RBFOX1: variants seen among roughly 807,000 people sequenced by gnomAD.
The protein encoded by RBFOX1 is RNA binding fox-1 homolog 1, also known as RNA binding protein fox-1 homolog 1.
A neutral mutation model predicts 57.7 loss-of-function variants in RBFOX1; 8 were observed. That is an observed-to-expected ratio of 0.14 (90% confidence interval 0.08 to 0.25). RBFOX1 has a LOEUF of 0.25. RBFOX1 is among the 10% of genes least tolerant of loss of function. The pLI, the probability that RBFOX1 is intolerant of heterozygous loss-of-function variation, is 1.00. For missense variants in RBFOX1, 611 were observed against 548.5 expected, an observed-to-expected ratio of 1.11 and a Z score of -1.14; for synonymous variants, 326 against 222.4, an observed-to-expected ratio of 1.47 and a Z score of -4.15.
chr16:6,344,412 T>TTTTTTTTTTTC, intron 2 of RBFOX1, among the ~76,000 whole-genome samples: 2 of 138,782 alleles, frequency 1.4e-5, no homozygotes, highest in Non-Finnish European at 3.1e-5. Context: ...TTTTTCTTTT[T>TTTTTTTTTTTC]TTTTTTTGAG....
intron 14 of RBFOX1, among the ~76,000 whole-genome samples, chr16:7,689,698 AG>A (rs1022439385): frequency 5.7e-4 from 86 of 152,132 alleles, no homozygotes; most frequent in African/African-American, 1.8e-3. Context: ...AAAATACAGA[AG>A]TAGGGGCCAA....
intron 3 of RBFOX1, among the ~76,000 whole-genome samples, chr16:5,824,973 C>T (rs1343590905): frequency 2.0e-5 from 3 of 152,188 alleles, no homozygotes; most frequent in South Asian, 2.1e-4. Flanking sequence ...AGGGTCAACA[C>T]TCTTACTCCA....
chr16:5,685,725 G>T (rs1250172018), intron 3 of RBFOX1, among the ~76,000 whole-genome samples: 1 of 152,148 alleles, frequency 6.6e-6, no homozygotes, highest in African/African-American at 2.4e-5. Context: ...GGAGAGGGTG[G>T]TGCCTCCTTC....
chr16:7,122,062 C>T (rs1048204017), intron 4 of RBFOX1, among the ~76,000 whole-genome samples: 9 of 151,978 alleles, frequency 5.9e-5, no homozygotes, highest in African/African-American at 1.9e-4. Flanking sequence ...TAGAAGAACA[C>T]ATGGGTAAAA....
chr16:6,624,876 T>C (rs1282284946), intron 2 of RBFOX1, among the ~76,000 whole-genome samples: 1 of 152,098 alleles, frequency 6.6e-6, no homozygotes, highest in Non-Finnish European at 1.5e-5. Context: ...AGAAATGACA[T>C]TCTGGGCTGG....
intron 3 of RBFOX1, among the ~76,000 whole-genome samples, chr16:5,750,213 T>C (rs922899171): frequency 1.3e-5 from 2 of 152,198 alleles, no homozygotes; most frequent in African/African-American, 4.8e-5. Flanking sequence ...TGCTGCCCGA[T>C]CATTCCTTTG....
At chr16:7,224,077 G>T (rs555416689) in intron 4 of RBFOX1, among the ~76,000 whole-genome samples, 1 of 122,166 alleles carries the variant, frequency 8.2e-6, no homozygotes, top group Non-Finnish European at 1.6e-5. Context: ...TAGGCTCGTT[G>T]TTCTGGGTCT....
At chr16:7,129,692 A>C (rs929445110) in intron 4 of RBFOX1, among the ~76,000 whole-genome samples, 1 of 152,030 alleles carries the variant, frequency 6.6e-6, no homozygotes, top group Non-Finnish European at 1.5e-5. Flanking sequence ...GAAATAGCAA[A>C]TTTCAAGTGC....
intron 11 of RBFOX1, among the ~76,000 whole-genome samples, chr16:7,636,569 C>G (rs2061793216): frequency 6.6e-6 from 1 of 152,196 alleles, no homozygotes. Flanking sequence ...ATGTATCTGT[C>G]TTTTCTGATC....
chr16:6,999,194 A>ATT (rs2092545766), intron 3 of RBFOX1, among the ~76,000 whole-genome samples: 3 of 97,702 alleles, frequency 3.1e-5, no homozygotes, highest in South Asian at 8.3e-4. Context: ...ATTTTATTTT[A>ATT]TTTTATTTTT....
intron 4 of RBFOX1, among the ~76,000 whole-genome samples, chr16:7,069,927 A>G (rs2056973467): frequency 1.3e-5 from 2 of 152,220 alleles, no homozygotes; most frequent in Non-Finnish European, 2.9e-5. Flanking sequence ...GGAAACTAAA[A>G]TAGTACATTC....
intron 1 of RBFOX1, among the ~76,000 whole-genome samples, chr16:6,155,353 C>T (rs1230057028): frequency 6.6e-6 from 1 of 152,146 alleles, no homozygotes; most frequent in Non-Finnish European, 1.5e-5. Context: ...AGGAACACAT[C>T]AGGGCAGCCT....
At chr16:6,831,836 C>T (rs1173710715) in intron 3 of RBFOX1, among the ~76,000 whole-genome samples, 1 of 152,148 alleles carries the variant, frequency 6.6e-6, no homozygotes, top group Non-Finnish European at 1.5e-5. Context: ...TTATGATTAT[C>T]TCCAGCTGTG....
At chr16:6,831,610 G>C (rs2092712471) in intron 3 of RBFOX1, among the ~76,000 whole-genome samples, 1 of 152,178 alleles carries the variant, frequency 6.6e-6, no homozygotes, top group Non-Finnish European at 1.5e-5. Flanking sequence ...AAGAGCCAGG[G>C]CTGTGGGAAG....
intron 1 of RBFOX1, among the ~76,000 whole-genome samples, chr16:6,292,527 T>C (rs2077579608): frequency 6.6e-6 from 1 of 152,180 alleles, no homozygotes; most frequent in Non-Finnish European, 1.5e-5. Context: ...CATCTTCTTA[T>C]TGGCTTTTTG....
rs182201569 is a variant in RBFOX1 at position 7,692,154 on chromosome 16, C to G, written c.995+15316C>G. On this transcript the variant is annotated intron_variant, in intron 14 of 15. Transcript: ENST00000550418. ...CAAAAAGCCCAAAATCTTATGTTAACTTTTATTGTCTTAAGGAAAGTGATA... is the reference window on the plus strand; with the variant it reads ...CAAAAAGCCCAAAATCTTATGTTAAGTTTTATTGTCTTAAGGAAAGTGATA... Among the ~76,000 whole-genome samples, 3 of 152,190 alleles carry G rather than the reference C, an allele frequency of 2.0e-5. No individual in the cohort carries two copies. In the East Asian group the frequency reaches 5.8e-4, roughly 29 times the overall value.
intron 4 of RBFOX1, among the ~76,000 whole-genome samples, chr16:5,915,008 CT>C (rs1315870496): frequency 6.6e-6 from 1 of 151,880 alleles, no homozygotes; most frequent in East Asian, 1.9e-4. Context: ...CACTTTTGCT[CT>C]ATGGTGTTGA....
chr16:7,502,813 C>T (rs796845828), intron 4 of RBFOX1, among the ~76,000 whole-genome samples: 15 of 152,162 alleles, frequency 9.9e-5, no homozygotes, highest in African/African-American at 3.4e-4. Context: ...CATCTGAGGT[C>T]AGGGTTTGAG....
intron 3 of RBFOX1, among the ~76,000 whole-genome samples, chr16:6,740,528 A>C (rs1028567511): frequency 4.6e-5 from 7 of 152,226 alleles, no homozygotes; most frequent in Admixed American, 2.6e-4. Flanking sequence ...TGGACTGACA[A>C]GTTAGCTCAC....
Sources: gnomAD v4.1 joint callset for allele counts (sites outside exome capture counted in the v4.1 genomes callset) on GRCh38, gnomAD v4.1.1 for gene constraint, MANE v1.5 for transcripts, NCBI Gene and HGNC (gene_info 2026-07-23, HGNC 2026-07-21) for gene names.